CACNA2D3: variants seen among roughly 807,000 people sequenced by gnomAD.
CACNA2D3 encodes the protein calcium voltage-gated channel auxiliary subunit alpha2delta 3.
CACNA2D3 carries 60 observed loss-of-function variants against 160.6 expected under a neutral mutation model. The ratio of observed to expected loss-of-function variants is 0.37; its 90% CI spans 0.30 to 0.46. The LOEUF (loss-of-function observed/expected upper bound fraction) is 0.46, where lower values mean the gene tolerates loss of function less well. Ranked by LOEUF, CACNA2D3 falls within the 20% of genes least tolerant of loss-of-function variation. The pLI is 1.00. For missense variants in CACNA2D3, 1,205 were observed against 1,365.0 expected, an observed-to-expected ratio of 0.88 and a Z score of 1.85; for synonymous variants, 558 against 492.9, an observed-to-expected ratio of 1.13 and a Z score of -1.75.
chr3:54,208,633 T>C (rs1419460992), intron 2 of CACNA2D3, among the ~76,000 whole-genome samples: 2 of 152,216 alleles, frequency 1.3e-5, no homozygotes, highest in Non-Finnish European at 2.9e-5. Context: ...TCTCTCTTCT[T>C]GATGGAGTAT....
At chr3:54,527,940 C>T (rs900526120) in intron 5 of CACNA2D3, among the ~76,000 whole-genome samples, 2 of 152,134 alleles carry the variant, frequency 1.3e-5, no homozygotes, top group African/African-American at 4.8e-5. Flanking sequence ...GGACCAATTC[C>T]AGATACTTTA....
chr3:54,273,911 A>G (rs558620297), intron 2 of CACNA2D3, among the ~76,000 whole-genome samples: 1 of 152,322 alleles, frequency 6.6e-6, no homozygotes, highest in East Asian at 1.9e-4. Context: ...CAGTTGACAT[A>G]GAGACCCAGT....
In CACNA2D3 at chr3:54,752,684, C is replaced by G. The variant is rs1342785771; in HGVS notation, c.1246+7C>G. 1 of 1,607,342 alleles carries G rather than the reference C, an allele frequency of 6.2e-7. No individual in the cohort carries two copies. The highest frequency in any genetic ancestry group is 1.1e-5 in the South Asian group (1 of 90,124). On this transcript the variant is annotated splice_region_variant and intron_variant, in intron 12 of 37. Coordinates refer to ENST00000474759, the MANE Select transcript of CACNA2D3 (RefSeq NM_018398.3). ...ATGGCCTGTGCCAACAAAGGTGGGT[C>G]TTCGCATTGTGCTCGGCTCTGAATA...
intron 2 of CACNA2D3, 92 bp downstream of exon 2, chr3:54,123,686 A>G (rs1315855824): frequency 1.1e-5 from 11 of 1,000,574 alleles, no homozygotes; most frequent in East Asian, 4.7e-5. Context: ...AGCCCCGAGC[A>G]GCATCAGTTA....
At chr3:54,374,464 C>T (rs1415227860) in intron 3 of CACNA2D3, among the ~76,000 whole-genome samples, 1 of 152,242 alleles carries the variant, frequency 6.6e-6, no homozygotes, top group Non-Finnish European at 1.5e-5. Context: ...TTAGATGGTG[C>T]TGAGAGTCAG....
At chr3:54,837,011 G>A in intron 14 of CACNA2D3, 148 bp from the exon 15 acceptor site, 2 of 670,258 alleles carry the variant, frequency 3.0e-6, no homozygotes, top group Non-Finnish European at 5.4e-6. Context: ...GACACACATT[G>A]TGCTCCGCGC....
At chr3:54,167,177 A>G (rs1435803451) in intron 2 of CACNA2D3, among the ~76,000 whole-genome samples, 1 of 152,114 alleles carries the variant, frequency 6.6e-6, no homozygotes, top group African/African-American at 2.4e-5. Flanking sequence ...CTGTTGAGTT[A>G]TTGAGACAGC....
rs1699224804 is a variant in CACNA2D3, at chr3:54,858,821, C to T, written c.1626+12354C>T. On this transcript the variant is annotated intron_variant, in intron 17 of 37. Transcript: ENST00000474759. ...ATGGTCCCAACTGGGTAGATGCCCA[C>T]ATTCATTTGAATAACTGAAGAATTC... is the stretch of plus-strand genomic sequence containing the variant. 2.0e-5 allele frequency among the ~76,000 whole-genome samples: 3 copies of T among 152,168 alleles called. No individual in the cohort carries two copies. The South Asian group carries it at 6.2e-4, about 31-fold the overall frequency.
chr3:54,455,033 C>T lies in CACNA2D3; in HGVS notation c.382-48459C>T, dbSNP rs554933720. On this transcript the variant is annotated intron_variant, in intron 4 of 37. Transcript: ENST00000474759. ...AGTTGCTTCCCTATCTTGGCTATTG[C>T]GAATAGTGCTGTGATAAACATGGGG... 5.9e-5 allele frequency among the ~76,000 whole-genome samples: 9 copies of T among 152,144 alleles called. No homozygotes were observed. The South Asian group carries it at 8.3e-4, about 14-fold the overall frequency.
At chr3:54,933,527 A>T in intron 27 of CACNA2D3, among the ~76,000 whole-genome samples, 1 of 152,216 alleles carries the variant, frequency 6.6e-6, no homozygotes, top group East Asian at 1.9e-4. Context: ...GTCTAACAGC[A>T]AGAGATGCTG....
intron 16 of CACNA2D3, among the ~76,000 whole-genome samples, chr3:54,839,795 A>G (rs1311345310): frequency 6.6e-6 from 1 of 152,166 alleles, no homozygotes; most frequent in Non-Finnish European, 1.5e-5. Flanking sequence ...TCCTGGCTCC[A>G]TCGTTGATGA....
At chr3:54,386,371 G>A (rs1030036187) in intron 3 of CACNA2D3, among the ~76,000 whole-genome samples, 4 of 152,202 alleles carry the variant, frequency 2.6e-5, no homozygotes, top group African/African-American at 7.2e-5. Flanking sequence ...GACTAAGGGC[G>A]TTCTATACCT....
chr3:54,285,362 G>T (rs184877131), intron 2 of CACNA2D3, among the ~76,000 whole-genome samples: 2 of 152,340 alleles, frequency 1.3e-5, no homozygotes, highest in Admixed American at 1.3e-4. Flanking sequence ...CAAACTGCAA[G>T]GCGGCAGCGA....
At chr3:54,126,381 C>T (rs372984490) in intron 2 of CACNA2D3, among the ~76,000 whole-genome samples, 6 of 152,134 alleles carry the variant, frequency 3.9e-5, no homozygotes, top group Non-Finnish European at 8.8e-5. Context: ...CTGACTTCAT[C>T]AATGTAAACA....
chr3:54,203,028 T>C (rs1460933541), intron 2 of CACNA2D3, among the ~76,000 whole-genome samples: 1 of 152,230 alleles, frequency 6.6e-6, no homozygotes, highest in Admixed American at 6.5e-5. Flanking sequence ...GTAGAGCTTC[T>C]AGTCAGCTTT....
At chr3:54,640,772 C>G (rs1156924376) in intron 10 of CACNA2D3, among the ~76,000 whole-genome samples, 1 of 152,140 alleles carries the variant, frequency 6.6e-6, no homozygotes, top group Non-Finnish European at 1.5e-5. Flanking sequence ...ATGCCTAAAA[C>G]CTCCTTGATT....
chr3:54,386,067 A>ATATTAATG (rs1699182283), intron 3 of CACNA2D3: 1 of 427,402 alleles, frequency 2.3e-6, no homozygotes, highest in Admixed American at 2.9e-5. Flanking sequence ...TTTCATAAGA[A>ATATTAATG]TATTAATGTG....
chr3:54,887,464 A>C (rs1433347638), intron 23 of CACNA2D3, among the ~76,000 whole-genome samples: 12 of 152,180 alleles, frequency 7.9e-5, no homozygotes, highest in Admixed American at 5.9e-4. Flanking sequence ...AATAAAATGA[A>C]ACAATTCTTA....
At chr3:54,439,864 C>T (rs1700116663) in intron 4 of CACNA2D3, among the ~76,000 whole-genome samples, 1 of 152,174 alleles carries the variant, frequency 6.6e-6, no homozygotes, top group Non-Finnish European at 1.5e-5. Flanking sequence ...CTCCCTGCCC[C>T]ACAACTGTCT....
Sources: allele counts gnomAD v4.1 joint callset (sites outside exome capture counted in the v4.1 genomes callset), GRCh38; gene constraint gnomAD v4.1.1; transcripts MANE v1.5; gene names NCBI Gene and HGNC (gene_info 2026-07-23, HGNC 2026-07-21).